Variants in LRRTM4 observed in about 807,000 individuals in gnomAD.
LRRTM4 encodes leucine rich repeat transmembrane neuronal 4.
Under a neutral mutation model 47.6 loss-of-function variants are expected in LRRTM4, and 25 were observed. The observed-to-expected ratio is 0.53, with a 90% confidence interval of 0.38 to 0.73. The LOEUF (loss-of-function observed/expected upper bound fraction) is 0.73, where lower values mean the gene tolerates loss of function less well. LRRTM4 is among the 30% of genes least tolerant of loss of function. The pLI, the probability that LRRTM4 is intolerant of heterozygous loss-of-function variation, is 0.00. For missense variants in LRRTM4, 638 were observed against 713.4 expected, an observed-to-expected ratio of 0.89 and a Z score of 1.20; for synonymous variants, 311 against 269.5, an observed-to-expected ratio of 1.15 and a Z score of -1.51.
chr2:76,851,379 A>G (rs995844376), intron 3 of LRRTM4, among the ~76,000 whole-genome samples: 4 of 152,188 alleles, frequency 2.6e-5, no homozygotes, highest in Non-Finnish European at 4.4e-5. Flanking sequence ...CTGAAATAGC[A>G]GGGGTTTTGC....
At chr2:76,924,710 T>G (rs1238235333) in intron 3 of LRRTM4, among the ~76,000 whole-genome samples, 1 of 152,016 alleles carries the variant, frequency 6.6e-6, no homozygotes, top group Non-Finnish European at 1.5e-5. Context: ...ACTAGCTGAA[T>G]GCAGAAAATT....
At position 77,101,789 on chromosome 2, in the gene LRRTM4, C is replaced by T. The variant is rs75757903; in HGVS notation, c.1552-352873G>A. Among the ~76,000 whole-genome samples, 1,350 of 152,232 alleles carry T rather than the reference C, an allele frequency of 8.9e-3. 21 individuals are homozygous for T. Among genetic ancestry groups the T allele is most frequent in the African/African-American group, 0.031 (1,268 of 41,548 alleles). ...ACCCAAGGTGAACTAAAATCAAGTT[C>T]ATCACCACTGTTTTTAATAATCTTG... is the stretch of plus-strand genomic sequence containing the variant. On this transcript the variant is annotated intron_variant, in intron 3 of 3. Transcript: ENST00000409884.
chr2:76,993,942 CAT>C (rs1356436787), intron 3 of LRRTM4, among the ~76,000 whole-genome samples: 2 of 151,794 alleles, frequency 1.3e-5, no homozygotes, highest in African/African-American at 4.8e-5. Flanking sequence ...AAAATGAAAA[CAT>C]ATTTTTTTTC....
intron 3 of LRRTM4, among the ~76,000 whole-genome samples, chr2:76,918,935 G>A (rs34493210): frequency 0.065 from 9,915 of 152,220 alleles, 485 homozygotes; most frequent in Non-Finnish European, 0.094. Flanking sequence ...ACTCACAGGA[G>A]TCAGAAAAGC....
chr2:77,268,700 C>G (rs1401049367), intron 3 of LRRTM4, among the ~76,000 whole-genome samples: 2 of 150,924 alleles, frequency 1.3e-5, no homozygotes, highest in Admixed American at 1.3e-4. Flanking sequence ...TCTATGAAAA[C>G]AAAAAAAAAT....
At chr2:76,751,372 C>G (rs1026479254) in intron 3 of LRRTM4, among the ~76,000 whole-genome samples, 1 of 152,118 alleles carries the variant, frequency 6.6e-6, no homozygotes, top group Non-Finnish European at 1.5e-5. Flanking sequence ...AAGAGTATTT[C>G]TCATCAAACA....
intron 3 of LRRTM4, among the ~76,000 whole-genome samples, chr2:77,058,528 TTC>T (rs1332687977): frequency 1.3e-5 from 2 of 152,174 alleles, no homozygotes; most frequent in Non-Finnish European, 2.9e-5. Context: ...ACTCAGTATT[TTC>T]TTTTTCCTAT....
At chr2:77,384,099 A>G (rs896362360) in intron 3 of LRRTM4, among the ~76,000 whole-genome samples, 2 of 152,100 alleles carry the variant, frequency 1.3e-5, no homozygotes, top group East Asian at 1.9e-4. Flanking sequence ...CAGTTGTTCA[A>G]TTAATGACTT....
At chr2:77,443,354 G>C (rs939723061) in intron 3 of LRRTM4, among the ~76,000 whole-genome samples, 3 of 152,104 alleles carry the variant, frequency 2.0e-5, no homozygotes, top group African/African-American at 7.2e-5. Flanking sequence ...TGTTTTGGTA[G>C]TAGTTTTTCC....
At chr2:77,146,883 C>A (rs1193772737) in intron 3 of LRRTM4, among the ~76,000 whole-genome samples, 1 of 152,084 alleles carries the variant, frequency 6.6e-6, no homozygotes, top group African/African-American at 2.4e-5. Flanking sequence ...TCAAAAATTA[C>A]TTGAGTTATG....
chr2:77,405,892 G>C (rs1041744905), intron 3 of LRRTM4, among the ~76,000 whole-genome samples: 7 of 151,928 alleles, frequency 4.6e-5, no homozygotes, highest in African/African-American at 1.7e-4. Context: ...ATTTATCTTT[G>C]CCATGTTTGT....
At chr2:77,232,718 G>T (rs1483303558) in intron 3 of LRRTM4, among the ~76,000 whole-genome samples, 1 of 152,166 alleles carries the variant, frequency 6.6e-6, no homozygotes, top group Non-Finnish European at 1.5e-5. Flanking sequence ...ACGTATTGTT[G>T]CAAACAGTCA....
At chr2:77,072,574 G>A (rs1680190297) in intron 3 of LRRTM4, among the ~76,000 whole-genome samples, 1 of 152,002 alleles carries the variant, frequency 6.6e-6, no homozygotes, top group Non-Finnish European at 1.5e-5. Flanking sequence ...GAGGAGGGCA[G>A]ATCACCTGAA....
At chr2:77,462,504 G>A (rs1400602156) in intron 3 of LRRTM4, among the ~76,000 whole-genome samples, 3 of 151,848 alleles carry the variant, frequency 2.0e-5, no homozygotes, top group African/African-American at 7.3e-5. Context: ...TCTCACTCCT[G>A]GCTATCACCA....
At chr2:77,210,025 C>A (rs1674247889) in intron 3 of LRRTM4, among the ~76,000 whole-genome samples, 1 of 152,182 alleles carries the variant, frequency 6.6e-6, no homozygotes, top group African/African-American at 2.4e-5. Context: ...TTACACTTTT[C>A]ACTAGGATGT....
At chr2:77,304,318 G>A (rs1677215621) in intron 3 of LRRTM4, among the ~76,000 whole-genome samples, 1 of 152,072 alleles carries the variant, frequency 6.6e-6, no homozygotes, top group African/African-American at 2.4e-5. Flanking sequence ...CTATTGAATT[G>A]TTTGAATTCC....
chr2:76,916,668 T>G lies in LRRTM4; in HGVS notation c.1552-167752A>C, dbSNP rs149400193. Among the ~76,000 whole-genome samples, 8 of 152,282 alleles carry G rather than the reference T, an allele frequency of 5.3e-5. No individual in the cohort carries two copies. In the East Asian group the frequency reaches 1.5e-3, roughly 29 times the overall value. On this transcript the variant is annotated intron_variant, in intron 3 of 3. Coordinates refer to ENST00000409884, the MANE Select transcript of LRRTM4 (RefSeq NM_001134745.3). ...CAAGCCTCAAACAAACCAATGCAAG[T>G]TAAAAGTGACTGTGTCCTTACTAAT...
At position 77,010,501 on chromosome 2, in the gene LRRTM4, T is replaced by TACACACACACACAC. The variant is rs34456976; in HGVS notation, c.1552-261599_1552-261586dup. Among the ~76,000 whole-genome samples the TACACACACACACAC allele has an allele frequency of 6.7e-4, 94 of 139,910 alleles. 1 individual carries two copies. The highest frequency in any genetic ancestry group is 1.2e-3 in the African/African-American group (45 of 38,112). The allele number at this position is 139,910 out of a possible 152,430, so 91.8% of individuals were successfully genotyped here. A position where few individuals can be genotyped will look rare whatever the true frequency, so the allele number is the denominator to read the frequency against. On this transcript the variant is annotated intron_variant, in intron 3 of 3. Transcript: ENST00000409884. ...TAAGGCAGAATAGAATTGTATTGTT[T>TACACACACACACAC]ACACACACACACACACACACACACA...
chr2:76,996,090 G>A (rs1288411386), intron 3 of LRRTM4, among the ~76,000 whole-genome samples: 1 of 151,820 alleles, frequency 6.6e-6, no homozygotes, highest in Non-Finnish European at 1.5e-5. Flanking sequence ...CAAAACATAG[G>A]TATATATAAA....
Sources: allele counts gnomAD v4.1 joint callset (sites outside exome capture counted in the v4.1 genomes callset), GRCh38; gene constraint gnomAD v4.1.1; transcripts MANE v1.5; gene names NCBI Gene and HGNC (gene_info 2026-07-23, HGNC 2026-07-21).